Variants in PALM2AKAP2 observed in about 807,000 individuals in gnomAD.
The protein encoded by PALM2AKAP2 is PALM2 and AKAP2 fusion.
In PALM2AKAP2, 37 loss-of-function variants were observed where a neutral mutation model predicts 71.5. The observed-to-expected ratio is 0.52, with a 90% CI of 0.40 to 0.68. The LOEUF is 0.68. PALM2AKAP2 is among the 30% of genes least tolerant of loss of function. The pLI is 0.00. For synonymous variants in PALM2AKAP2, 468 were observed against 478.8 expected (o/e 0.98, Z 0.29); for missense variants, 1,224 against 1,191.8 (o/e 1.03, Z -0.40).
chr9:109,864,841 C>A (rs1037178521), intron 1 of PALM2AKAP2, among the ~76,000 whole-genome samples: 1 of 152,178 alleles, frequency 6.6e-6, no homozygotes, highest in Non-Finnish European at 1.5e-5. Flanking sequence ...TTCACCATAT[C>A]ATTCTGTAGC....
chr9:110,099,705 A>G (rs1385560341), intron 1 of PALM2AKAP2, among the ~76,000 whole-genome samples: 5 of 152,186 alleles, frequency 3.3e-5, no homozygotes, highest in African/African-American at 1.2e-4. Context: ...GAGTCCCGAG[A>G]AAACAAAATT....
intron 7 of PALM2AKAP2, among the ~76,000 whole-genome samples, chr9:110,023,649 C>G (rs950990049): frequency 3.3e-5 from 5 of 151,636 alleles, no homozygotes; most frequent in African/African-American, 1.2e-4. Context: ...GCTTGTTTCA[C>G]ATTCTCATAG....
Position 110,123,955 on chromosome 9 carries a change from A to G in PALM2AKAP2, c.157-12172A>G, listed in dbSNP as rs147382312. Among the ~76,000 whole-genome samples the G allele has an allele frequency of 2.6e-5, 4 of 152,320 alleles. No homozygotes were observed. The East Asian group carries it at 7.7e-4, about 29-fold the overall frequency. ...ATCTTGAAGTGCCTTTGGCTACACA[A>G]CAGAACATTCCAATTATTCCACAGG... On this transcript the variant is annotated intron_variant, in intron 1 of 3. Coordinates refer to ENST00000374525, the Ensembl canonical transcript of PALM2AKAP2.
At chr9:109,829,410 T>C (rs1285826894) in intron 1 of PALM2AKAP2, among the ~76,000 whole-genome samples, 1 of 152,178 alleles carries the variant, frequency 6.6e-6, no homozygotes, top group Non-Finnish European at 1.5e-5. Flanking sequence ...AGAGAGTGAC[T>C]GATTCATCCT....
intron 1 of PALM2AKAP2, among the ~76,000 whole-genome samples, chr9:109,752,698 T>G (rs1828902348): frequency 6.6e-6 from 1 of 152,118 alleles, no homozygotes; most frequent in Non-Finnish European, 1.5e-5. Flanking sequence ...GGCTATTTCC[T>G]AAGAACAAGA....
chr9:110,010,278 G>T (rs1025470461), intron 6 of PALM2AKAP2, among the ~76,000 whole-genome samples: 1 of 151,910 alleles, frequency 6.6e-6, no homozygotes, highest in African/African-American at 2.4e-5. Context: ...TGTTGCTAGG[G>T]ATTATAGGAA....
chr9:109,748,256 C>T (rs550145399), intron 1 of PALM2AKAP2, among the ~76,000 whole-genome samples: 1 of 152,156 alleles, frequency 6.6e-6, no homozygotes, highest in East Asian at 1.9e-4. Flanking sequence ...GCAAATACCC[C>T]CTATACTCTT....
chr9:109,975,071 C>T (rs1000234160), intron 6 of PALM2AKAP2, among the ~76,000 whole-genome samples: 1 of 152,146 alleles, frequency 6.6e-6, no homozygotes. Context: ...CACACACACA[C>T]ACACACACAC....
chr9:110,146,931 C>T (rs1046037394), intron 2 of PALM2AKAP2, among the ~76,000 whole-genome samples: 2 of 152,102 alleles, frequency 1.3e-5, no homozygotes, highest in Admixed American at 1.3e-4. Flanking sequence ...ACAAGTATTA[C>T]CAGTCTCTCT....
At chr9:110,143,988 G>C (rs893863618) in intron 2 of PALM2AKAP2, among the ~76,000 whole-genome samples, 11 of 152,232 alleles carry the variant, frequency 7.2e-5, no homozygotes, top group Non-Finnish European at 1.6e-4. Context: ...TTATTATAAA[G>C]ATTCTTAACT....
exon 2 of PALM2AKAP2, chr9:110,137,892 C>T: frequency 6.2e-7 from 1 of 1,614,220 alleles, no homozygotes; most frequent in Non-Finnish European, 8.5e-7. Flanking sequence ...TTCTATTCCC[C>T]TTCCTCCACG....
chr9:109,715,760 C>G (rs1258231341), intron 1 of PALM2AKAP2, among the ~76,000 whole-genome samples: 1 of 152,194 alleles, frequency 6.6e-6, no homozygotes, highest in Non-Finnish European at 1.5e-5. Flanking sequence ...CATTGTAGCC[C>G]CAGTTGTTCT....
chr9:110,102,564 C>T (rs1394877119), intron 1 of PALM2AKAP2, among the ~76,000 whole-genome samples: 3 of 151,986 alleles, frequency 2.0e-5, no homozygotes, highest in Non-Finnish European at 4.4e-5. Flanking sequence ...AGTTGTTATC[C>T]CAAAGTCCTT....
chr9:109,947,916 A>G (rs993249928), intron 6 of PALM2AKAP2, among the ~76,000 whole-genome samples: 1 of 152,232 alleles, frequency 6.6e-6, no homozygotes, highest in Non-Finnish European at 1.5e-5. Context: ...TCAATTTCTT[A>G]ATCAAGGTAT....
chr9:109,978,691 C>T (rs1365882509), intron 6 of PALM2AKAP2, among the ~76,000 whole-genome samples: 1 of 152,210 alleles, frequency 6.6e-6, no homozygotes, highest in Non-Finnish European at 1.5e-5. Flanking sequence ...TTTTCTCACT[C>T]TGGGTCTGTA....
intron 1 of PALM2AKAP2, among the ~76,000 whole-genome samples, chr9:109,672,855 T>G (rs1179876513): frequency 6.6e-6 from 1 of 152,074 alleles, no homozygotes; most frequent in Non-Finnish European, 1.5e-5. Flanking sequence ...GTCCAGGAAT[T>G]TATCCATTTC....
chr9:109,942,839 G>A lies in PALM2AKAP2; in HGVS notation c.496+10811G>A, dbSNP rs1237035530. The A allele has an allele frequency of 1.9e-6, 3 of 1,614,162 alleles. No homozygotes were observed. The Admixed American group carries it at 5.0e-5, about 27-fold the overall frequency. The stretch of plus-strand genomic sequence containing the variant: ...AAAGTAGTGTATGAGGTGCGCTCAG[G>A]AGGCACCGTAGTAGAAAATGGAGTG... On this transcript the variant is annotated intron_variant, in intron 6 of 9. Transcript: ENST00000302798.
intron 2 of PALM2AKAP2, among the ~76,000 whole-genome samples, chr9:109,876,401 G>T (rs1478514338): frequency 6.6e-6 from 1 of 152,116 alleles, no homozygotes; most frequent in Non-Finnish European, 1.5e-5. Flanking sequence ...ATGCTTTTTC[G>T]GCTTCTTAAA....
At chr9:110,098,347 C>A (rs974570417) in intron 1 of PALM2AKAP2, among the ~76,000 whole-genome samples, 7 of 152,132 alleles carry the variant, frequency 4.6e-5, no homozygotes, top group Non-Finnish European at 1.0e-4. Flanking sequence ...GTGCGTGATA[C>A]TTAAAGCCAT....
Sources: gnomAD v4.1 joint callset for allele counts (sites outside exome capture counted in the v4.1 genomes callset) on GRCh38, gnomAD v4.1.1 for gene constraint, MANE v1.5 for transcripts, NCBI Gene and HGNC (gene_info 2026-07-23, HGNC 2026-07-21) for gene names.